The following ARHGAP15 variants were observed in gnomAD, a reference collection of about 807,000 sequenced individuals.
ARHGAP15 encodes Rho GTPase activating protein 15, also known as rho GTPase-activating protein 15.
A neutral mutation model predicts 63.7 loss-of-function variants in ARHGAP15; 51 were observed. The ratio of observed to expected loss-of-function variants is 0.80; its 90% confidence interval spans 0.64 to 1.01. The LOEUF (loss-of-function observed/expected upper bound fraction) is 1.01, where lower values mean the gene tolerates loss of function less well. Ranked by LOEUF, ARHGAP15 falls within the 50% of genes least tolerant of loss-of-function variation. ARHGAP15 has a pLI of 0.00. For synonymous variants in ARHGAP15, 191 were observed against 193.8 expected, an observed-to-expected ratio of 0.99 and a Z score of 0.12; for missense variants, 560 against 564.6, an observed-to-expected ratio of 0.99 and a Z score of 0.08.
chr2:143,399,327 C>T (rs1408504785), intron 6 of ARHGAP15, among the ~76,000 whole-genome samples: 1 of 148,964 alleles, frequency 6.7e-6, no homozygotes, highest in African/African-American at 2.5e-5. Flanking sequence ...TGTAAGTAAA[C>T]CATTTCACTT....
chr2:143,310,682 C>T (rs953302666), intron 6 of ARHGAP15, among the ~76,000 whole-genome samples: 34 of 151,926 alleles, frequency 2.2e-4, no homozygotes, highest in Admixed American at 2.2e-3. Flanking sequence ...AGCTGCCTTA[C>T]CTTTTATTTA....
chr2:143,154,517 C>T (rs1690004309), intron 1 of ARHGAP15, among the ~76,000 whole-genome samples: 1 of 151,838 alleles, frequency 6.6e-6, no homozygotes, highest in African/African-American at 2.4e-5. Flanking sequence ...GTGCTCGGAG[C>T]CCGCTATAGG....
intron 12 of ARHGAP15, among the ~76,000 whole-genome samples, chr2:143,688,686 T>C (rs975552755): frequency 6.6e-6 from 1 of 152,178 alleles, no homozygotes; most frequent in Non-Finnish European, 1.5e-5. Flanking sequence ...CATGAGAATG[T>C]CTTTGTTATT....
intron 11 of ARHGAP15, among the ~76,000 whole-genome samples, chr2:143,584,142 G>A (rs56912390): frequency 0.2 from 29,753 of 152,032 alleles, 3,249 homozygotes; most frequent in Middle Eastern, 0.28. Flanking sequence ...TAAAATTACC[G>A]AAATAAAGCT....
At chr2:143,338,354 TC>T (rs1026876581) in intron 6 of ARHGAP15, among the ~76,000 whole-genome samples, 1 of 152,194 alleles carries the variant, frequency 6.6e-6, no homozygotes, top group Non-Finnish European at 1.5e-5. Flanking sequence ...ACTAGTACCT[TC>T]AACTCACGTG....
intron 5 of ARHGAP15, among the ~76,000 whole-genome samples, chr2:143,241,069 G>T (rs985687949): frequency 6.6e-6 from 1 of 152,062 alleles, no homozygotes; most frequent in African/African-American, 2.4e-5. Flanking sequence ...CCAATGAAAT[G>T]CATCTGTTTT....
chr2:143,661,649 T>A (rs1317070249), intron 12 of ARHGAP15, among the ~76,000 whole-genome samples: 1 of 152,156 alleles, frequency 6.6e-6, no homozygotes, highest in Non-Finnish European at 1.5e-5. Context: ...TTTCTGCATT[T>A]CCATCTGAGG....
chr2:143,457,177 G>T (rs934047393), intron 8 of ARHGAP15, among the ~76,000 whole-genome samples: 1 of 152,014 alleles, frequency 6.6e-6, no homozygotes, highest in Non-Finnish European at 1.5e-5. Context: ...ATTCTGTTCA[G>T]AAATCTGCAT....
intron 8 of ARHGAP15, among the ~76,000 whole-genome samples, chr2:143,458,843 G>A (rs1257201827): frequency 6.6e-6 from 1 of 152,174 alleles, no homozygotes. Flanking sequence ...TACTTGGATT[G>A]TGATCAGCTT....
At chr2:143,604,685 C>T (rs747737236) in intron 11 of ARHGAP15, among the ~76,000 whole-genome samples, 6 of 152,164 alleles carry the variant, frequency 3.9e-5, no homozygotes, top group African/African-American at 7.2e-5. Context: ...TTATATATTC[C>T]ACTAAAATCA....
At chr2:143,448,881 A>G (rs1275472646) in intron 8 of ARHGAP15, among the ~76,000 whole-genome samples, 1 of 152,062 alleles carries the variant, frequency 6.6e-6, no homozygotes, top group Non-Finnish European at 1.5e-5. Flanking sequence ...TATGACATAA[A>G]TAACTTCTTT....
intron 6 of ARHGAP15, among the ~76,000 whole-genome samples, chr2:143,410,549 C>CA (rs2105020846): frequency 6.6e-6 from 1 of 152,280 alleles, no homozygotes; most frequent in African/African-American, 2.4e-5. Context: ...CTTTGCATCA[C>CA]AGAGTGGTAT....
intron 12 of ARHGAP15, among the ~76,000 whole-genome samples, chr2:143,658,335 C>T (rs181304739): frequency 5.9e-5 from 9 of 152,264 alleles, no homozygotes; most frequent in East Asian, 3.9e-4. Flanking sequence ...GGTAGAACTT[C>T]GGGTGTATTT....
chr2:143,581,503 CCTT>C (rs1224124185), intron 11 of ARHGAP15, among the ~76,000 whole-genome samples: 1 of 152,156 alleles, frequency 6.6e-6, no homozygotes, highest in African/African-American at 2.4e-5. Context: ...GGCAACCTCT[CCTT>C]CTCTCCTCTG....
intron 10 of ARHGAP15, among the ~76,000 whole-genome samples, chr2:143,537,779 T>C (rs1426112111): frequency 1.3e-5 from 2 of 152,196 alleles, no homozygotes; most frequent in Admixed American, 6.5e-5. Flanking sequence ...TTGGTTACTG[T>C]AGCCTTGTAG....
At chr2:143,596,523 T>A (rs1488644933) in intron 11 of ARHGAP15, among the ~76,000 whole-genome samples, 1 of 152,078 alleles carries the variant, frequency 6.6e-6, no homozygotes, top group Non-Finnish European at 1.5e-5. Flanking sequence ...TATATGATGA[T>A]CACTTCAAAT....
chr2:143,331,502 A>G (rs1684546543), intron 6 of ARHGAP15, among the ~76,000 whole-genome samples: 1 of 152,212 alleles, frequency 6.6e-6, no homozygotes, highest in African/African-American at 2.4e-5. Context: ...AGAGCACATA[A>G]TGAGTAACTA....
chr2:143,442,036 G>T (rs1689906421), intron 8 of ARHGAP15, among the ~76,000 whole-genome samples: 3 of 152,056 alleles, frequency 2.0e-5, no homozygotes, highest in Non-Finnish European at 4.4e-5. Flanking sequence ...AATTGAGAGA[G>T]TTACACAATA....
chr2:143,186,366 GTTTATAAT>G (rs921116111), intron 2 of ARHGAP15, among the ~76,000 whole-genome samples: 11 of 152,036 alleles, frequency 7.2e-5, no homozygotes, highest in Non-Finnish European at 1.5e-4. Flanking sequence ...TGTTTTAAGA[GTTTATAAT>G]TCTTGTTCTT....
Sources: gnomAD v4.1 joint callset for allele counts (sites outside exome capture counted in the v4.1 genomes callset) on GRCh38, gnomAD v4.1.1 for gene constraint, MANE v1.5 for transcripts, NCBI Gene and HGNC (gene_info 2026-07-23, HGNC 2026-07-21) for gene names.